SDR9C7: variants seen among roughly 807,000 people sequenced by gnomAD.
SDR9C7 encodes the protein short chain dehydrogenase/reductase family 9C member 7.
SDR9C7 carries 11 observed loss-of-function variants against 23.6 expected under a neutral mutation model. That is an observed-to-expected ratio of 0.47 (90% confidence interval 0.29 to 0.77). The LOEUF is 0.77. Ranked by LOEUF, SDR9C7 falls within the 30% of genes least tolerant of loss-of-function variation. The pLI is 0.09. For missense variants in SDR9C7, 387 were observed against 407.1 expected (o/e 0.95, Z 0.42); for synonymous variants, 167 against 157.3 (o/e 1.06, Z -0.46).
intron 1 of SDR9C7, among the ~76,000 whole-genome samples, chr12:56,933,733 C>T (rs144820700): frequency 7.9e-5 from 12 of 152,274 alleles, no homozygotes; most frequent in African/African-American, 2.2e-4. Flanking sequence ...ACCTCTTTCC[C>T]GTTTCTCTGA....
chr12:56,927,948 T>A (rs1955744566), intron 3 of SDR9C7, among the ~76,000 whole-genome samples: 1 of 152,266 alleles, frequency 6.6e-6, no homozygotes, highest in Non-Finnish European at 1.5e-5. Context: ...CTTCTGTCAC[T>A]GAGTAAGTCC....
chr12:56,929,333 T>C (rs1955752445), intron 3 of SDR9C7, 57 bp downstream of exon 3: 1 of 1,544,550 alleles, frequency 6.5e-7, no homozygotes, highest in Admixed American at 1.7e-5. Context: ...AGCCAGCTAA[T>C]GACCCCAAGA....
In SDR9C7 at chr12:56,923,581, C is replaced by T; in HGVS notation, c.*252G>A. 1 of 370,850 alleles carries T rather than the reference C, an allele frequency of 2.7e-6. No homozygotes were observed. 23.0% of individuals were successfully genotyped at this position (370,850 alleles called of 1,614,324 possible). A position where few individuals can be genotyped will look rare whatever the true frequency, so the allele number is the denominator to read the frequency against. On this transcript the variant is annotated 3_prime_UTR_variant, in exon 4 of 4. Transcript: ENST00000293502. ...GTATCCTGATTGGGTGACAGACGTC[C>T]TTGGAGCTATTGCTGCAGATCGCTG...
rs770729222 is a variant in SDR9C7, at chr12:56,929,515, A to G, written c.599T>C (p.Ile200Thr). 4.9e-5 allele frequency: 79 copies of G among 1,612,366 alleles called. No individual in the cohort carries two copies. Among genetic ancestry groups the G allele is most frequent in the Non-Finnish European group, 6.2e-5 (73 of 1,178,626 alleles). ...LYYFGVKVCI[I>T]EPGNYRTAIL... ...GGCTGTCCGATAGTTCCCTGGCTCA[A>G]TGATGCAGACTTTCACCCCAAAGTA... The change falls in exon 3 of 4, where the codon ATT becomes ACT. Residue 200 changes from isoleucine (I) to threonine (T), a missense_variant. Ile to Thr is a moderately conservative substitution (Grantham distance 89, BLOSUM62 -1). Coordinates refer to ENST00000293502, the MANE Select transcript of SDR9C7 (RefSeq NM_148897.3).
Position 56,923,267 on chromosome 12 carries a change from A to T in SDR9C7, c.*566T>A, listed in dbSNP as rs999616574. On this transcript the variant is annotated 3_prime_UTR_variant, in exon 4 of 4. Transcript: ENST00000293502. ...TGATTAAATAAATGAATGTTATTTC[A>T]TGTGGATCCCAATAACCTATAGATA... 1 of 152,262 alleles carries T rather than the reference A, an allele frequency of 6.6e-6. No individual in the cohort carries two copies. The highest frequency in any genetic ancestry group is 1.5e-5 in the Non-Finnish European group (1 of 68,056). 9.4% of individuals were successfully genotyped at this position (152,262 alleles called of 1,614,324 possible).
intron 2 of SDR9C7, 111 bp downstream of exon 2, chr12:56,930,115 T>C (rs767948642): frequency 3.9e-6 from 5 of 1,278,702 alleles, no homozygotes; most frequent in Non-Finnish European, 5.5e-6. Flanking sequence ...CCTTCTGCTA[T>C]TGTGTTAGCT....
Position 56,928,385 on chromosome 12 carries a change from T to C in SDR9C7, c.724+1005A>G, listed in dbSNP as rs539516940. Among the ~76,000 whole-genome samples, 44 of 152,278 alleles carry C rather than the reference T, an allele frequency of 2.9e-4. No homozygotes were observed. In the South Asian group the frequency reaches 8.3e-3, roughly 29 times the overall value. On this transcript the variant is annotated intron_variant, in intron 3 of 3. Transcript: ENST00000293502. ...TCAGAAGCTCTCCCCTTCACCATAG[T>C]CTGAATTGGGACCGCAACTTCCTGC...
intron 3 of SDR9C7, among the ~76,000 whole-genome samples, chr12:56,924,465 C>G (rs1373955385): frequency 1.3e-5 from 2 of 149,604 alleles, no homozygotes; most frequent in African/African-American, 5.1e-5. Context: ...AACAAATAGT[C>G]TTATTTATCT....
rs1399182685 is a variant in SDR9C7, at chr12:56,923,672, G to A, written c.*161C>T. On this transcript the variant is annotated 3_prime_UTR_variant, in exon 4 of 4. Coordinates refer to ENST00000293502, the MANE Select transcript of SDR9C7 (RefSeq NM_148897.3). ...GGGTGGGAAGAGGCATTCACCTTCT[G>A]TTAGAAGTTACTGGTAAATTCGACA... 5 of 599,742 alleles carry A rather than the reference G, an allele frequency of 8.3e-6. No homozygotes were observed. Among genetic ancestry groups the A allele is most frequent in the Non-Finnish European group, 1.4e-5 (5 of 346,366 alleles). 37.2% of individuals were successfully genotyped at this position (599,742 alleles called of 1,614,324 possible). A position where few individuals can be genotyped will look rare whatever the true frequency, so the allele number is the denominator to read the frequency against.
Position 56,923,905 on chromosome 12 carries a change from C to T in SDR9C7, c.870G>A (p.Leu290=). 6.2e-7 allele frequency: 1 copy of T among 1,614,124 alleles called. No homozygotes were observed. Among genetic ancestry groups the T allele is most frequent in the South Asian group, 1.1e-5 (1 of 91,070 alleles). ...CTGTCACAGGGGTGGGCAACTTAGC[C>T]AGAGGGATGTAGAGGAGTTTGGCAT... The part of the protein sequence containing the change: ...GLDAKLLYIP[L]AKLPTPVTDF... The change falls in exon 4 of 4, where the codon CTG becomes CTA. Residue 290 remains leucine (L), a synonymous_variant. Transcript: ENST00000293502.
chr12:56,934,196 G>GT lies in SDR9C7; in HGVS notation c.65dup (p.Asn22LysfsTer13). 6.2e-7 allele frequency: 1 copy of GT among 1,614,210 alleles called. No individual in the cohort carries two copies. The highest frequency in any genetic ancestry group is 2.2e-5 in the East Asian group (1 of 44,880). ...TGATGAAGACGTACTTCTCTGAGAG[G>GT]TTGCCAACCAGATTGCAGTTCTTGA... On this transcript the variant is annotated frameshift_variant, in exon 1 of 4. Transcript: ENST00000293502. LOFTEE classifies it high-confidence loss of function.
chr12:56,930,580 G>C, intron 1 of SDR9C7, 96 bp from the exon 2 acceptor site: 5 of 1,385,942 alleles, frequency 3.6e-6, no homozygotes, highest in Non-Finnish European at 4.9e-6. Flanking sequence ...GGATGGTTGA[G>C]CAGGTGCACA....
chr12:56,931,204 T>G (rs1193163610), intron 1 of SDR9C7, among the ~76,000 whole-genome samples: 2 of 152,002 alleles, frequency 1.3e-5, no homozygotes, highest in East Asian at 3.9e-4. Context: ...GCTATAATGG[T>G]GCCATTGCAC....
At chr12:56,924,465 CTTAT>C (rs1955720167) in intron 3 of SDR9C7, among the ~76,000 whole-genome samples, 1 of 149,604 alleles carries the variant, frequency 6.7e-6, no homozygotes, top group South Asian at 2.1e-4. Flanking sequence ...AACAAATAGT[CTTAT>C]TTATCTTTCT....
rs1367726828 is a variant in SDR9C7, at chr12:56,929,432, G to A, written c.682C>T (p.Gln228Ter). ...RMRKLWERLP[Q>*]ETRDSYGEDY... ...TCTCCGTAGCTGTCCCGGGTCTCCTGAGGCAGCCTCTCCCAAAGCTTTCGC... is the reference window on the plus strand; with the variant it reads ...TCTCCGTAGCTGTCCCGGGTCTCCTAAGGCAGCCTCTCCCAAAGCTTTCGC... Residue 228 changes from glutamine (Q) to a stop codon, truncating the protein, a stop_gained, in exon 3 of 4, where the codon CAG becomes TAG. Transcript: ENST00000293502. LOFTEE classifies it high-confidence loss of function. 1 of 1,613,162 alleles carries A rather than the reference G, an allele frequency of 6.2e-7. No individual in the cohort carries two copies. Among genetic ancestry groups the A allele is most frequent in the East Asian group, 2.2e-5 (1 of 44,820 alleles).
In SDR9C7 at chr12:56,928,605, T is replaced by C. The variant is rs1955748883; in HGVS notation, c.724+785A>G. 2.6e-5 allele frequency among the ~76,000 whole-genome samples: 4 copies of C among 152,348 alleles called. No homozygotes were observed. The South Asian group carries it at 8.3e-4, about 32-fold the overall frequency. ...TGGGACATGGCAGCCTTGCATGCTT[T>C]GTATTACTGATTCAAAACAAAAACA... On this transcript the variant is annotated intron_variant, in intron 3 of 3. Coordinates refer to ENST00000293502, the MANE Select transcript of SDR9C7 (RefSeq NM_148897.3).
intron 3 of SDR9C7, 150 bp downstream of exon 3, chr12:56,929,240 C>T: frequency 1.3e-6 from 1 of 767,896 alleles, no homozygotes; most frequent in Non-Finnish European, 2.1e-6. Flanking sequence ...CACTTGCTCT[C>T]TATTCTCAAA....
chr12:56,929,887 C>T (rs937472062), intron 2 of SDR9C7, among the ~76,000 whole-genome samples: 1 of 152,182 alleles, frequency 6.6e-6, no homozygotes, highest in Non-Finnish European at 1.5e-5. Flanking sequence ...ATACACAAGG[C>T]CTGCACGCTC....
chr12:56,926,369 C>A (rs1007860318), intron 3 of SDR9C7, among the ~76,000 whole-genome samples: 1 of 152,176 alleles, frequency 6.6e-6, no homozygotes, highest in Non-Finnish European at 1.5e-5. Context: ...CCCAGGTGGA[C>A]TTTTTATCCT....
Sources: gnomAD v4.1 joint callset for allele counts (sites outside exome capture counted in the v4.1 genomes callset) on GRCh38, gnomAD v4.1.1 for gene constraint, MANE v1.5 for transcripts, NCBI Gene and HGNC (gene_info 2026-07-23, HGNC 2026-07-21) for gene names.